TANGO6: variants seen among roughly 807,000 people sequenced by gnomAD.
The protein encoded by TANGO6 is transport and Golgi organization protein 6 homolog.
Under a neutral mutation model 114.2 loss-of-function variants are expected in TANGO6, and 90 were observed. The ratio of observed to expected loss-of-function variants is 0.79; its 90% CI spans 0.66 to 0.94. TANGO6 has a LOEUF of 0.94. TANGO6 is among the 40% of genes least tolerant of loss of function. TANGO6 has a pLI of 0.00. For missense variants in TANGO6, 1,274 were observed against 1,315.3 expected, an observed-to-expected ratio of 0.97 and a Z score of 0.49; for synonymous variants, 477 against 509.8, an observed-to-expected ratio of 0.94 and a Z score of 0.87.
chr16:68,854,451 A>AT (rs1417575870), intron 1 of TANGO6, among the ~76,000 whole-genome samples: 1 of 152,212 alleles, frequency 6.6e-6, no homozygotes, highest in Non-Finnish European at 1.5e-5. Context: ...TTGCAAAAAA[A>AT]GAAAAGAAAC....
chr16:69,028,976 A>G (rs16958580), intron 16 of TANGO6, among the ~76,000 whole-genome samples: 4,573 of 152,282 alleles, frequency 0.03, 100 homozygotes, highest in Non-Finnish European at 0.043. Context: ...TTCTAAAACT[A>G]ATGAACCTGA....
chr16:69,072,074 G>A (rs1327778531), intron 17 of TANGO6, among the ~76,000 whole-genome samples: 6 of 117,342 alleles, frequency 5.1e-5, no homozygotes, highest in Non-Finnish European at 8.9e-5. Flanking sequence ...TGTGTAGAGA[G>A]AGGGAGACCG....
chr16:68,997,131 G>A (rs986368558), intron 15 of TANGO6, among the ~76,000 whole-genome samples: 1 of 152,174 alleles, frequency 6.6e-6, no homozygotes, highest in Admixed American at 6.5e-5. Flanking sequence ...GGACCAAATG[G>A]CCCACTGTGT....
intron 14 of TANGO6, among the ~76,000 whole-genome samples, chr16:68,965,253 T>C (rs1963634574): frequency 6.6e-6 from 1 of 152,032 alleles, no homozygotes; most frequent in Admixed American, 6.6e-5. Flanking sequence ...TCCATCTCCC[T>C]GGTTCAAGCA....
intron 17 of TANGO6, among the ~76,000 whole-genome samples, chr16:69,072,231 T>TTCAAAA: frequency 6.6e-6 from 1 of 152,082 alleles, no homozygotes; most frequent in Middle Eastern, 3.4e-3. Context: ...ACCAGGAGTC[T>TTCAAAA]GGGTACTTCT....
rs1961759029 is a variant in TANGO6 at position 68,843,683 on chromosome 16, G to A, written c.66G>A (p.Glu22=). 6.2e-7 allele frequency: 1 copy of A among 1,613,642 alleles called. No individual in the cohort carries two copies. The highest frequency in any genetic ancestry group is 1.3e-5 in the African/African-American group (1 of 74,932). Reference sequence around the variant, plus strand: ...CATGCGGTCTGGATCGGATTTTGGAGGCATTGAAGCTGCTGCTGAGCCCGG... The same window carrying A: ...CATGCGGTCTGGATCGGATTTTGGAAGCATTGAAGCTGCTGCTGAGCCCGG... ...QETCGLDRIL[E]ALKLLLSPGG... Residue 22 remains glutamate, a synonymous_variant, in exon 1 of 18, where the codon GAG becomes GAA. Coordinates refer to ENST00000261778, the MANE Select transcript of TANGO6 (RefSeq NM_024562.2).
chr16:68,915,561 G>C (rs989451032), intron 11 of TANGO6, among the ~76,000 whole-genome samples: 1 of 152,222 alleles, frequency 6.6e-6, no homozygotes, highest in Admixed American at 6.5e-5. Context: ...ACTGTGCCCA[G>C]CTAAGGAGTG....
At chr16:69,063,835 A>ATTG (rs1472061740) in intron 17 of TANGO6, among the ~76,000 whole-genome samples, 2 of 136,008 alleles carry the variant, frequency 1.5e-5, no homozygotes, top group Non-Finnish European at 3.2e-5. Context: ...TATTATTATT[A>ATTG]TTATTATTAT....
intron 17 of TANGO6, among the ~76,000 whole-genome samples, chr16:69,041,966 G>A (rs1456597092): frequency 6.6e-6 from 1 of 152,130 alleles, no homozygotes; most frequent in Non-Finnish European, 1.5e-5. Flanking sequence ...ATTTAAATGA[G>A]AAAGAAAGAA....
chr16:68,868,158 A>G (rs1240765792), intron 4 of TANGO6, among the ~76,000 whole-genome samples: 3 of 151,828 alleles, frequency 2.0e-5, no homozygotes, highest in Non-Finnish European at 4.4e-5. Context: ...AAAAAAAAAA[A>G]AAAGTTAAAT....
At chr16:69,025,408 A>C (rs1465474533) in intron 16 of TANGO6, among the ~76,000 whole-genome samples, 1 of 152,114 alleles carries the variant, frequency 6.6e-6, no homozygotes, top group African/African-American at 2.4e-5. Flanking sequence ...TTCCCCCTCT[A>C]CTGACTGAGT....
intron 14 of TANGO6, among the ~76,000 whole-genome samples, chr16:68,932,954 G>C (rs892032425): frequency 2.0e-5 from 3 of 152,148 alleles, no homozygotes; most frequent in Non-Finnish European, 2.9e-5. Context: ...TTAATTCCTT[G>C]CAACTGCTTA....
intron 15 of TANGO6, among the ~76,000 whole-genome samples, chr16:68,976,647 G>A (rs982988707): frequency 6.6e-6 from 1 of 152,160 alleles, no homozygotes; most frequent in Non-Finnish European, 1.5e-5. Context: ...AATATCACTA[G>A]AAGCCTTAAA....
chr16:68,907,099 A>ATTTTTTTGTTTTT (rs1962861249), intron 9 of TANGO6, among the ~76,000 whole-genome samples: 1 of 114,608 alleles, frequency 8.7e-6, no homozygotes, highest in Non-Finnish European at 1.8e-5. Context: ...CCAGACCTTG[A>ATTTTTTTGTTTTT]TTTTTTTTTT....
intron 17 of TANGO6, among the ~76,000 whole-genome samples, chr16:69,061,669 C>G (rs1451960990): frequency 6.6e-6 from 1 of 152,138 alleles, no homozygotes. Context: ...TGCCATAATG[C>G]TTGCTCCCAG....
At chr16:68,938,272 T>C (rs933057374) in intron 14 of TANGO6, among the ~76,000 whole-genome samples, 3 of 152,232 alleles carry the variant, frequency 2.0e-5, no homozygotes, top group African/African-American at 7.2e-5. Flanking sequence ...GGAGGTTTTG[T>C]AAACAGGAGA....
At position 68,927,661 on chromosome 16, in the gene TANGO6, G is replaced by A. The variant is rs368757193; in HGVS notation, c.2221G>A (p.Ala741Thr). The A allele has an allele frequency of 2.2e-5, 36 of 1,613,860 alleles. No homozygotes were observed. The highest frequency in any genetic ancestry group is 4.5e-5 in the East Asian group (2 of 44,898). Residue 741 changes from alanine to threonine, a missense_variant, in exon 13 of 18, where the codon GCT (alanine) becomes ACT (threonine). Physicochemically the swap from Ala to Thr is moderately conservative, Grantham distance 58. Coordinates refer to ENST00000261778, the MANE Select transcript of TANGO6 (RefSeq NM_024562.2). ...TYPDPVIQEL[A>T]VDLRITISTH... ...CCCTGATCCGGTCATCCAAGAACTCGCTGTTGATCTCCGCATCACCATCTC... is the reference window on the plus strand; with the variant it reads ...CCCTGATCCGGTCATCCAAGAACTCACTGTTGATCTCCGCATCACCATCTC...
At chr16:68,888,890 G>T (rs748211564) in intron 7 of TANGO6, among the ~76,000 whole-genome samples, 68 of 152,138 alleles carry the variant, frequency 4.5e-4, no homozygotes, top group Non-Finnish European at 7.6e-4. Flanking sequence ...TCAGCTTATT[G>T]CAGCCTCTGC....
chr16:68,972,949 G>A (rs764894962), intron 14 of TANGO6: 20 of 310,342 alleles, frequency 6.4e-5, no homozygotes, highest in Non-Finnish European at 1.1e-4. Flanking sequence ...TTGGCCTACT[G>A]GAGAATAGCA....
Sources: gnomAD v4.1 joint callset for allele counts (sites outside exome capture counted in the v4.1 genomes callset) on GRCh38, gnomAD v4.1.1 for gene constraint, MANE v1.5 for transcripts, NCBI Gene and HGNC (gene_info 2026-07-23, HGNC 2026-07-21) for gene names.